Variants in PPP1R9A observed in about 807,000 individuals in gnomAD.
PPP1R9A encodes the protein protein phosphatase 1 regulatory subunit 9A, also known as neurabin-1.
A neutral mutation model predicts 141.9 loss-of-function variants in PPP1R9A; 59 were observed. That is an observed-to-expected ratio of 0.42 (90% CI 0.34 to 0.52). The LOEUF is 0.52. Ranked by LOEUF, PPP1R9A falls within the 20% of genes least tolerant of loss-of-function variation. PPP1R9A has a pLI of 0.10. For synonymous variants in PPP1R9A, 500 were observed against 569.7 expected, an observed-to-expected ratio of 0.88 and a Z score of 1.74; for missense variants, 1,444 against 1,611.9, an observed-to-expected ratio of 0.90 and a Z score of 1.78.
intron 7 of PPP1R9A, among the ~76,000 whole-genome samples, chr7:95,217,844 A>G (rs1299887462): frequency 7.1e-6 from 1 of 140,030 alleles, no homozygotes; most frequent in East Asian, 2.1e-4. Context: ...AATTGCATCT[A>G]TTTGATTCTT....
At chr7:94,986,006 GTT>G (rs1563083935) in intron 2 of PPP1R9A, among the ~76,000 whole-genome samples, 1 of 152,148 alleles carries the variant, frequency 6.6e-6, no homozygotes, top group Non-Finnish European at 1.5e-5. Context: ...GTTTGCACAA[GTT>G]TTAAAATCTT....
intron 2 of PPP1R9A, among the ~76,000 whole-genome samples, chr7:95,088,378 G>T (rs1222808563): frequency 2.0e-5 from 3 of 151,452 alleles, no homozygotes; most frequent in Non-Finnish European, 4.4e-5. Context: ...TTTTTTAAAG[G>T]ACCATGGTGT....
intron 5 of PPP1R9A, among the ~76,000 whole-genome samples, chr7:95,166,540 A>G (rs1347088217): frequency 3.3e-5 from 5 of 152,198 alleles, no homozygotes; most frequent in Admixed American, 3.3e-4. Context: ...CAACAAAGAA[A>G]AGTCCAGGAC....
intron 8 of PPP1R9A, among the ~76,000 whole-genome samples, chr7:95,245,054 A>T (rs577072199): frequency 6.6e-6 from 1 of 152,312 alleles, no homozygotes; most frequent in African/African-American, 2.4e-5. Context: ...AACAAGAAGT[A>T]TATCTTGTCA....
chr7:94,968,283 C>T (rs1798451890), intron 2 of PPP1R9A, among the ~76,000 whole-genome samples: 1 of 151,640 alleles, frequency 6.6e-6, no homozygotes, highest in African/African-American at 2.4e-5. Context: ...CGCCATTCTC[C>T]TGCCTCAGCC....
chr7:94,992,022 G>A (rs563834096), intron 2 of PPP1R9A, among the ~76,000 whole-genome samples: 18 of 152,306 alleles, frequency 1.2e-4, no homozygotes, highest in Admixed American at 2.0e-4. Context: ...GACATCCAAT[G>A]TACTGCACGT....
intron 2 of PPP1R9A, among the ~76,000 whole-genome samples, chr7:94,971,223 G>T (rs1468096011): frequency 6.6e-6 from 1 of 152,158 alleles, no homozygotes; most frequent in Non-Finnish European, 1.5e-5. Flanking sequence ...GGGGGTCAGG[G>T]TGCAGTGGGG....
rs115195992 is a variant in PPP1R9A at position 95,010,716 on chromosome 7, A to G, written c.1395+99208A>G. Among the ~76,000 whole-genome samples the G allele has an allele frequency of 6.5e-3, 992 of 152,130 alleles. 11 individuals are homozygous for G. The highest frequency in any genetic ancestry group is 0.023 in the African/African-American group (941 of 41,550). On this transcript the variant is annotated intron_variant, in intron 2 of 19. Transcript: ENST00000433360. The stretch of plus-strand genomic sequence containing the variant: ...TTGCCTTCACCTTTAGTTTACCCCA[A>G]AATATATAATCAAAATATATAATTT...
intron 5 of PPP1R9A, among the ~76,000 whole-genome samples, chr7:95,191,845 ATAT>A (rs1563389336): frequency 1.3e-5 from 2 of 152,076 alleles, no homozygotes; most frequent in East Asian, 1.9e-4. Flanking sequence ...ACAAGAGAAA[ATAT>A]TATTAATCTT....
intron 6 of PPP1R9A, among the ~76,000 whole-genome samples, chr7:95,203,018 G>T (rs904515580): frequency 6.6e-6 from 1 of 151,944 alleles, no homozygotes; most frequent in Admixed American, 6.6e-5. Context: ...GTCTCCTTAG[G>T]CAGTAGTTCA....
intron 2 of PPP1R9A, among the ~76,000 whole-genome samples, chr7:95,023,846 C>T: frequency 6.6e-6 from 1 of 152,084 alleles, no homozygotes; most frequent in Non-Finnish European, 1.5e-5. Context: ...GCCACCATGC[C>T]CGGCCTTCTC....
chr7:95,120,883 G>T, intron 4 of PPP1R9A, 51 bp downstream of exon 4: 2 of 1,550,180 alleles, frequency 1.3e-6, no homozygotes, highest in South Asian at 1.3e-5. Flanking sequence ...GAACTTTCCT[G>T]GAAGTTTCCT....
At chr7:95,063,374 G>A (rs536404727) in intron 2 of PPP1R9A, among the ~76,000 whole-genome samples, 48 of 151,900 alleles carry the variant, frequency 3.2e-4, no homozygotes, top group Non-Finnish European at 6.2e-4. Context: ...GATCAGCCTG[G>A]GCATCATAGT....
chr7:95,063,556 C>CT (rs999964321), intron 2 of PPP1R9A, among the ~76,000 whole-genome samples: 14 of 151,978 alleles, frequency 9.2e-5, no homozygotes, highest in Admixed American at 4.6e-4. Context: ...CAGAGCAAGA[C>CT]TTTTTTAAAA....
chr7:94,908,071 G>C (rs1414692251), intron 1 of PPP1R9A: 6 of 150,504 alleles, frequency 4.0e-5, no homozygotes, highest in Non-Finnish European at 8.9e-5. Flanking sequence ...GTGGGGCGGG[G>C]GGCGCCTGCG....
intron 4 of PPP1R9A, 124 bp downstream of exon 4, chr7:95,120,956 T>G (rs1161380857): frequency 2.4e-6 from 3 of 1,271,458 alleles, no homozygotes; most frequent in Non-Finnish European, 3.3e-6. Context: ...GTTTCTCAGA[T>G]GTGAAAATCT....
At position 95,274,072 on chromosome 7, in the gene PPP1R9A, A is replaced by G. The variant is rs759633543; in HGVS notation, c.3213-13A>G. On this transcript the variant is annotated splice_polypyrimidine_tract_variant and intron_variant, in intron 15 of 19. Coordinates refer to ENST00000433360, the MANE Select transcript of PPP1R9A (RefSeq NM_001166160.2). ...TTCAGCTTCCCCTTTCTGACTGCTT[A>G]CTATCATTACAGGGCGCCTTTGCGA... is the stretch of plus-strand genomic sequence containing the variant. 5.2e-6 allele frequency: 8 copies of G among 1,548,854 alleles called. No homozygotes were observed. In the South Asian group the frequency reaches 8.0e-5, roughly 16 times the overall value.
intron 12 of PPP1R9A, among the ~76,000 whole-genome samples, chr7:95,259,934 A>C (rs1157411010): frequency 3.3e-5 from 5 of 152,104 alleles, no homozygotes; most frequent in Admixed American, 3.3e-4. Context: ...TACAGATATA[A>C]TGTAAACTTT....
chr7:95,286,258 T>G lies in PPP1R9A; in HGVS notation c.3662T>G (p.Leu1221Arg), dbSNP rs757496339. The change falls in exon 18 of 20, where the codon CTC becomes CGC. Residue 1221 changes from leucine (L) to arginine (R), a missense_variant. Coordinates refer to ENST00000433360, the MANE Select transcript of PPP1R9A (RefSeq NM_001166160.2). ...FSPSSTSSAD[L>R]SGLGAEPKTP... The stretch of plus-strand genomic sequence containing the variant: ...CCCAGCAGTACCAGTTCAGCAGACC[T>G]CAGCGGCTTAGGAGCAGAACCTAAA... The G allele has an allele frequency of 4.3e-6, 7 of 1,613,612 alleles. No individual in the cohort carries two copies. Among genetic ancestry groups the G allele is most frequent in the Non-Finnish European group, 5.9e-6 (7 of 1,179,724 alleles).
Sources: gnomAD v4.1 joint callset for allele counts (sites outside exome capture counted in the v4.1 genomes callset) on GRCh38, gnomAD v4.1.1 for gene constraint, MANE v1.5 for transcripts, NCBI Gene and HGNC (gene_info 2026-07-23, HGNC 2026-07-21) for gene names.